Variants in KDM2B observed in about 807,000 individuals in gnomAD.
KDM2B encodes the protein lysine demethylase 2B, also known as lysine-specific demethylase 2B.
KDM2B carries 26 observed loss-of-function variants against 150.0 expected under a neutral mutation model. That is an observed-to-expected ratio of 0.17 (90% confidence interval 0.13 to 0.24). KDM2B has a LOEUF of 0.24. KDM2B is among the 10% of genes least tolerant of loss of function. KDM2B has a pLI of 1.00. For missense variants in KDM2B, 1,265 were observed against 1,816.9 expected (o/e 0.70, Z 5.52); for synonymous variants, 734 against 729.5 (o/e 1.01, Z -0.10).
chr12:121,448,331 A>T (rs1484429795), intron 13 of KDM2B, among the ~76,000 whole-genome samples: 1 of 151,468 alleles, frequency 6.6e-6, no homozygotes, highest in African/African-American at 2.4e-5. Context: ...AAAAAAAAAA[A>T]AAAAAAAAAA....
At chr12:121,505,261 G>C (rs1427650871) in intron 11 of KDM2B, among the ~76,000 whole-genome samples, 1 of 150,494 alleles carries the variant, frequency 6.6e-6, no homozygotes, top group Non-Finnish European at 1.5e-5. Context: ...ACTCCAGCCT[G>C]GGCAACAGAG....
chr12:121,421,398 A>AAAC, the KDM2B span, among the ~76,000 whole-genome samples: 8 of 141,974 alleles, frequency 5.6e-5, no homozygotes, highest in East Asian at 4.0e-4. Flanking sequence ...AAAAAAAAAA[A>AAAC]CCAAAAAAAC....
rs148071237 is a variant in KDM2B at position 121,536,104 on chromosome 12, GC to G, written c.684-1515del. 629 of 985,810 alleles carry G rather than the reference GC, an allele frequency of 6.4e-4. 7 individuals are homozygous for G. In the African/African-American group the frequency reaches 0.01, roughly 16 times the overall value. The allele number at this position is 985,810 out of a possible 1,614,324, so 61.1% of individuals were successfully genotyped here. A position where few individuals can be genotyped will look rare whatever the true frequency, so the allele number is the denominator to read the frequency against. ...GGGGACGGACAGGGAGGAGCCAGCA[GC>G]GCGCCGGCACGAGTGGAGATAATGC... On this transcript the variant is annotated intron_variant, in intron 6 of 22. Transcript: ENST00000377071.
At chr12:121,426,558 G>A (rs369715840), downstream of KDM2B, among the ~76,000 whole-genome samples, 1 of 144,290 alleles carries the variant, frequency 6.9e-6, no homozygotes, top group South Asian at 2.3e-4. Context: ...CAGCCCTCCC[G>A]CCTCAGCCTC....
the KDM2B span, among the ~76,000 whole-genome samples, chr12:121,412,580 T>C: frequency 6.6e-6 from 1 of 152,020 alleles, no homozygotes; most frequent in Non-Finnish European, 1.5e-5. Context: ...GGTTTTGCCA[T>C]GTTGGTCAGT....
chr12:121,443,676 G>A lies in KDM2B; in HGVS notation c.2565+4C>T. ...CCTCAGGAGGGCGTGCGTCGTGGGA[G>A]CACCTGCTGCTGGAAGTAAGTGAGA... is the stretch of plus-strand genomic sequence containing the variant. On this transcript the variant is annotated splice_donor_region_variant and intron_variant, in intron 17 of 22. Transcript: ENST00000377071. The A allele has an allele frequency of 4.4e-6, 7 of 1,592,554 alleles. No individual in the cohort carries two copies. The highest frequency in any genetic ancestry group is 6.0e-6 in the Non-Finnish European group (7 of 1,163,698).
At chr12:121,410,387 A>G in the KDM2B span, among the ~76,000 whole-genome samples, 4 of 151,982 alleles carry the variant, frequency 2.6e-5, no homozygotes, top group Non-Finnish European at 5.9e-5. Context: ...AAATACAAAA[A>G]TTAGCCGGGT....
intron 13 of KDM2B, among the ~76,000 whole-genome samples, chr12:121,447,952 C>T (rs1280036159): frequency 2.0e-5 from 3 of 152,016 alleles, no homozygotes; most frequent in African/African-American, 4.8e-5. Context: ...CCACCGCGCC[C>T]GGCCAAAATA....
rs1555284800 is a variant in KDM2B, at chr12:121,429,316, C to G, written c.*972G>C. 1 of 152,576 alleles carries G rather than the reference C, an allele frequency of 6.6e-6. No homozygotes were observed. Among genetic ancestry groups the G allele is most frequent in the Non-Finnish European group, 1.5e-5 (1 of 68,036 alleles). The allele number at this position is 152,576 out of a possible 1,614,324, so 9.5% of individuals were successfully genotyped here. A position where few individuals can be genotyped will look rare whatever the true frequency, so the allele number is the denominator to read the frequency against. ...AACTAGGAAATAGCCATGTTACAAA[C>G]CTAAATGAGAACTCAACTCACACTT... On this transcript the variant is annotated 3_prime_UTR_variant, in exon 23 of 23. Coordinates refer to ENST00000377071, the MANE Select transcript of KDM2B (RefSeq NM_032590.5).
At chr12:121,519,548 T>G (rs1886511116) in intron 9 of KDM2B, among the ~76,000 whole-genome samples, 1 of 152,200 alleles carries the variant, frequency 6.6e-6, no homozygotes, top group Non-Finnish European at 1.5e-5. Flanking sequence ...ACATGTTGAA[T>G]GACTCCATTT....
Position 121,576,190 on chromosome 12 carries a change from A to G in KDM2B, c.272-331T>C, listed in dbSNP as rs928066177. Among the ~76,000 whole-genome samples the G allele has an allele frequency of 7.2e-5, 11 of 152,180 alleles. No homozygotes were observed. In the East Asian group the frequency reaches 2.1e-3, roughly 29 times the overall value. On this transcript the variant is annotated intron_variant, in intron 2 of 22. Transcript: ENST00000377071. ...AAGAGCACCGCACAAAAAGAGTCCC[A>G]GCCATTGCTGAGAAAGAGGGATAGA...
intron 16 of KDM2B, 61 bp downstream of exon 16, chr12:121,443,938 CCCCATCCCTCCAA>C: frequency 6.6e-7 from 1 of 1,523,762 alleles, no homozygotes; most frequent in Non-Finnish European, 8.9e-7. Flanking sequence ...CCACCCCCTG[CCCCATCCCTCCAA>C]CCCAGCACCC....
At chr12:121,555,654 G>A (rs144656053) in intron 4 of KDM2B, among the ~76,000 whole-genome samples, 77 of 152,284 alleles carry the variant, frequency 5.1e-4, no homozygotes, top group African/African-American at 1.6e-3. Context: ...GATTATAGGC[G>A]TGAGCCACCA....
chr12:121,509,781 T>G lies in KDM2B; in HGVS notation c.1433A>C (p.Glu478Ala), dbSNP rs1555303588. 3.1e-6 allele frequency: 5 copies of G among 1,613,992 alleles called. No individual in the cohort carries two copies. In the South Asian group the frequency reaches 4.4e-5, roughly 14 times the overall value. Residue 478 changes from glutamate (E) to alanine (A), a missense_variant, in exon 11 of 23, where the codon GAG becomes GCG. This residue lies in a region of KDM2B where 154 missense variants were observed against 162.5 expected (regional missense o/e 0.95). Transcript: ENST00000377071. ...CAATGTGGTGGACTTCACACTTTCC[T>G]CCGACTCATTAGACAAAGTCCTTTT... ...FLKRTLSNES[E>A]ESVKSTTLAV...
At chr12:121,541,952 T>C (rs1473366073) in intron 6 of KDM2B, among the ~76,000 whole-genome samples, 1 of 152,164 alleles carries the variant, frequency 6.6e-6, no homozygotes, top group African/African-American at 2.4e-5. Context: ...CTGTGGAGGC[T>C]TTGAAACATG....
At chr12:121,514,694 CCTT>C (rs1421988127) in intron 9 of KDM2B, among the ~76,000 whole-genome samples, 3 of 151,230 alleles carry the variant, frequency 2.0e-5, no homozygotes, top group Admixed American at 1.3e-4. Context: ...CATTCTCCCA[CCTT>C]CTAATCACAC....
Position 121,533,118 on chromosome 12 carries a change from A to G in KDM2B, c.778-159T>C, listed in dbSNP as rs1239585078. ...AGATCCATCCCTCTGGACTCTCTGC[A>G]AGGCCAGGTCCCTAGAGCCTCTGGG... is the stretch of plus-strand genomic sequence containing the variant. On this transcript the variant is annotated intron_variant, in intron 7 of 22. Coordinates refer to ENST00000377071, the MANE Select transcript of KDM2B (RefSeq NM_032590.5). The surrounding 1 kb of genome is among the most constrained non-coding windows in gnomAD (Gnocchi z 4.1). Among the ~76,000 whole-genome samples the G allele has an allele frequency of 6.6e-6, 1 of 152,152 alleles. No individual in the cohort carries two copies. The highest frequency in any genetic ancestry group is 2.4e-5 in the African/African-American group (1 of 41,434).
At chr12:121,472,326 G>T (rs1880856994) in intron 12 of KDM2B, among the ~76,000 whole-genome samples, 1 of 152,192 alleles carries the variant, frequency 6.6e-6, no homozygotes, top group Non-Finnish European at 1.5e-5. Context: ...GTAAATAAAA[G>T]GAACTTTCTA....
intron 6 of KDM2B, among the ~76,000 whole-genome samples, chr12:121,547,661 T>C (rs1889169369): frequency 1.3e-5 from 2 of 149,064 alleles, no homozygotes; most frequent in African/African-American, 4.9e-5. Flanking sequence ...TTTTTTTTTT[T>C]TTTTTTGAGA....
Sources: gnomAD v4.1 joint callset for allele counts (sites outside exome capture counted in the v4.1 genomes callset) on GRCh38, gnomAD v4.1.1 for gene constraint, gnomAD v4.1.1 regional missense constraint, Gnocchi (gnomAD v3.1) non-coding constraint, MANE v1.5 for transcripts, NCBI Gene and HGNC (gene_info 2026-07-23, HGNC 2026-07-21) for gene names.